Variants in SYT14 observed in about 807,000 individuals in gnomAD.
SYT14 encodes synaptotagmin 14.
A neutral mutation model predicts 74.2 loss-of-function variants in SYT14; 32 were observed. The ratio of observed to expected loss-of-function variants is 0.43; its 90% CI spans 0.33 to 0.58. SYT14 has a LOEUF of 0.58. SYT14 is among the 20% of genes least tolerant of loss of function. The pLI, the probability that SYT14 is intolerant of heterozygous loss-of-function variation, is 0.05. For missense variants in SYT14, 791 were observed against 981.8 expected (o/e 0.81, Z 2.60); for synonymous variants, 298 against 337.7 (o/e 0.88, Z 1.29).
chr1:210,016,353 G>C (rs2080182256), exon 4 of SYT14: 2 of 1,232,068 alleles, frequency 1.6e-6, no homozygotes, highest in Non-Finnish European at 2.0e-6. Context: ...CATGAAGAAA[G>C]AGTATTTAAA....
In SYT14 at chr1:210,103,456, A is replaced by G. The variant is rs1043298201; in HGVS notation, c.2034+2995A>G. On this transcript the variant is annotated intron_variant, in intron 7 of 9. Transcript: ENST00000637265. ...TCCCAGCTACTCGGGAGGCTGAGACAGGAGAATGGTGTGAACCCAGGAGGC... is the reference window on the plus strand; with the variant it reads ...TCCCAGCTACTCGGGAGGCTGAGACGGGAGAATGGTGTGAACCCAGGAGGC... 3.3e-5 allele frequency among the ~76,000 whole-genome samples: 5 copies of G among 149,442 alleles called. No individual in the cohort carries two copies. In the Admixed American group the frequency reaches 3.4e-4, roughly 10 times the overall value.
chr1:210,068,367 C>T (rs2081334333), intron 5 of SYT14, among the ~76,000 whole-genome samples: 1 of 151,602 alleles, frequency 6.6e-6, no homozygotes, highest in Admixed American at 6.6e-5. Flanking sequence ...TACACTATTT[C>T]TTCTCTTGCT....
chr1:210,017,070 A>G (rs1034400380), exon 4 of SYT14: 2 of 1,231,674 alleles, frequency 1.6e-6, no homozygotes, highest in Admixed American at 4.2e-5. Context: ...AGTAAAGATG[A>G]AAAATATTCT....
At position 210,132,568 on chromosome 1, in the gene SYT14, T is replaced by A. The variant is rs999261406; in HGVS notation, c.2035-23153T>A. 1.1e-3 allele frequency among the ~76,000 whole-genome samples: 21 copies of A among 19,816 alleles called. No individual in the cohort carries two copies. The East Asian group carries it at 0.014, about 13-fold the overall frequency. 13.0% of individuals were successfully genotyped at this position (19,816 alleles called of 152,430 possible). A position where few individuals can be genotyped will look rare whatever the true frequency, so the allele number is the denominator to read the frequency against. On this transcript the variant is annotated intron_variant, in intron 7 of 9. Coordinates refer to ENST00000637265, the Ensembl canonical transcript of SYT14. ...CTAAGATGATGATGATTTTATATAT[T>A]GTGTGTGTGTGTGTGTGTGTGTGTG...
At chr1:210,003,607 C>A (rs1440729273) in intron 2 of SYT14, among the ~76,000 whole-genome samples, 1 of 151,998 alleles carries the variant, frequency 6.6e-6, no homozygotes, top group Non-Finnish European at 1.5e-5. Context: ...GCCCTCTAGG[C>A]CCTGAAAAAA....
intron 5 of SYT14, among the ~76,000 whole-genome samples, chr1:210,059,738 A>AT (rs2081173875): frequency 6.6e-6 from 1 of 152,110 alleles, no homozygotes; most frequent in East Asian, 1.9e-4. Context: ...TCTGTGAAAG[A>AT]TATCTCCTTT....
At chr1:209,963,747 A>T (rs1214650926) in intron 2 of SYT14, among the ~76,000 whole-genome samples, 2 of 152,224 alleles carry the variant, frequency 1.3e-5, no homozygotes, top group African/African-American at 4.8e-5. Flanking sequence ...GATGAATCTG[A>T]TGAAATGACA....
chr1:210,049,059 G>A (rs1302489947), intron 5 of SYT14, among the ~76,000 whole-genome samples: 2 of 152,214 alleles, frequency 1.3e-5, no homozygotes, highest in Non-Finnish European at 2.9e-5. Context: ...GGGCATCTCC[G>A]CCCCTGTGGC....
exon 10 of SYT14, chr1:210,162,307 TA>T: frequency 2.2e-6 from 1 of 444,630 alleles, no homozygotes. Context: ...TCGATTTTTA[TA>T]AATGTAAAGA....
At position 210,134,985 on chromosome 1, in the gene SYT14, CT is replaced by C. The variant is rs530229562; in HGVS notation, c.2035-20725del. 5.5e-4 allele frequency among the ~76,000 whole-genome samples: 80 copies of C among 146,454 alleles called. 1 individual carries two copies. In the Middle Eastern group the frequency reaches 0.011, roughly 19 times the overall value. ...TTGTGTTCTTAATTTTTTTCCCTGT[CT>C]TTTTTTTTTTCAAAAACAGAGTCTC... On this transcript the variant is annotated intron_variant, in intron 7 of 9. Coordinates refer to ENST00000637265, the Ensembl canonical transcript of SYT14.
intron 2 of SYT14, among the ~76,000 whole-genome samples, chr1:209,956,969 C>G (rs2079003226): frequency 6.6e-6 from 1 of 151,936 alleles, no homozygotes; most frequent in Admixed American, 6.6e-5. Flanking sequence ...CCTTCACCAC[C>G]CGATTGCTGA....
At chr1:209,973,707 A>G (rs572311430) in intron 2 of SYT14, among the ~76,000 whole-genome samples, 2 of 152,250 alleles carry the variant, frequency 1.3e-5, no homozygotes, top group East Asian at 1.9e-4. Context: ...ATGATTTATA[A>G]TCCTTTGGGT....
At chr1:210,006,486 CAG>C (rs1558124327) in intron 2 of SYT14, among the ~76,000 whole-genome samples, 1 of 151,664 alleles carries the variant, frequency 6.6e-6, no homozygotes, top group African/African-American at 2.4e-5. Context: ...AAATGTAAAA[CAG>C]GTATATCTTT....
At chr1:209,959,019 A>G (rs2079034807) in intron 2 of SYT14, among the ~76,000 whole-genome samples, 1 of 152,254 alleles carries the variant, frequency 6.6e-6, no homozygotes, top group African/African-American at 2.4e-5. Flanking sequence ...CTAAAAAAAA[A>G]TAGAGTTACC....
intron 1 of SYT14, among the ~76,000 whole-genome samples, chr1:209,949,584 A>C (rs1342053151): frequency 1.3e-5 from 2 of 152,066 alleles, no homozygotes; most frequent in East Asian, 1.9e-4. Flanking sequence ...AAAAAAAAAA[A>C]AACACTCAAT....
chr1:210,009,197 T>C (rs2080041957), intron 2 of SYT14, among the ~76,000 whole-genome samples: 1 of 152,198 alleles, frequency 6.6e-6, no homozygotes. Flanking sequence ...TGCAGTTTTA[T>C]GTACAGGTGG....
intron 5 of SYT14, among the ~76,000 whole-genome samples, chr1:210,051,823 C>T (rs1489261524): frequency 1.3e-5 from 2 of 152,152 alleles, no homozygotes; most frequent in African/African-American, 4.8e-5. Flanking sequence ...ACCTACCTTT[C>T]AGACCACTTT....
intron 7 of SYT14, among the ~76,000 whole-genome samples, chr1:210,136,620 G>C (rs2082791720): frequency 6.6e-6 from 1 of 152,296 alleles, no homozygotes; most frequent in East Asian, 1.9e-4. Flanking sequence ...AAAAAGTATA[G>C]TGTCAAGCAC....
At chr1:209,980,307 T>G (rs1247723615) in intron 2 of SYT14, among the ~76,000 whole-genome samples, 1 of 152,166 alleles carries the variant, frequency 6.6e-6, no homozygotes, top group African/African-American at 2.4e-5. Context: ...GGTTTTTTTC[T>G]TGTAAATTTG....
Sources: gnomAD v4.1 joint callset for allele counts (sites outside exome capture counted in the v4.1 genomes callset) on GRCh38, gnomAD v4.1.1 for gene constraint, MANE v1.5 for transcripts, NCBI Gene and HGNC (gene_info 2026-07-23, HGNC 2026-07-21) for gene names.